RALGAPA2: variants seen among roughly 807,000 people sequenced by gnomAD.
RALGAPA2 encodes the protein ral GTPase-activating protein subunit alpha-2.
A neutral mutation model predicts 230.4 loss-of-function variants in RALGAPA2; 139 were observed. The observed-to-expected ratio is 0.60, with a 90% CI of 0.53 to 0.69. RALGAPA2 has a LOEUF of 0.69. Among genes scored for constraint, RALGAPA2 ranks in the 30% least tolerant of loss-of-function variants. The probability of loss-of-function intolerance (pLI) is 0.00; values close to 1 mark genes in which losing one functional copy is unlikely to be tolerated. For missense variants in RALGAPA2, 2,163 were observed against 2,276.0 expected, an observed-to-expected ratio of 0.95 and a Z score of 1.01; for synonymous variants, 847 against 837.8, an observed-to-expected ratio of 1.01 and a Z score of -0.19.
intron 13 of RALGAPA2, among the ~76,000 whole-genome samples, chr20:20,612,633 C>T (rs545107360): frequency 6.6e-6 from 1 of 152,254 alleles, no homozygotes; most frequent in South Asian, 2.1e-4. Flanking sequence ...GCACTGCATG[C>T]TACTTGTCCA....
intron 5 of RALGAPA2, 75 bp downstream of exon 5, chr20:20,643,431 C>A: frequency 7.5e-7 from 1 of 1,327,582 alleles, no homozygotes. Flanking sequence ...TTCCAAAATG[C>A]CCTAACATTG....
Position 20,629,511 on chromosome 20 carries a change from G to A in RALGAPA2, c.1085C>T (p.Ser362Phe). ...TCGGTCCGACAAGGTGCTGCTGTTA[G>A]AATGGCTTTTGTCCTGCTCCGTGGG... ...GGPTEQDKSHSNSSTLSDRRL... is the reference protein window; with the variant it reads ...GGPTEQDKSHFNSSTLSDRRL... Residue 362 changes from serine to phenylalanine, a missense_variant, in exon 10 of 40, where the codon TCT becomes TTT. Ser to Phe is a radical substitution (Grantham distance 155, BLOSUM62 -2). Transcript: ENST00000202677. 6.2e-7 allele frequency: 1 copy of A among 1,613,976 alleles called. No homozygotes were observed.
chr20:20,501,899 T>C (rs1000267722), intron 35 of RALGAPA2, among the ~76,000 whole-genome samples: 10 of 152,100 alleles, frequency 6.6e-5, no homozygotes, highest in African/African-American at 2.2e-4. Context: ...GGAAGATACA[T>C]AGGGGAACGG....
chr20:20,626,428 A>C lies in RALGAPA2; in HGVS notation c.1233+2935T>G, dbSNP rs550137107. ...TGTAAATGTTTTTAAGCTTCATGAC[A>C]CTAAGATGTCTCATAACTTCAGTCA... is the stretch of plus-strand genomic sequence containing the variant. On this transcript the variant is annotated intron_variant, in intron 10 of 39. Transcript: ENST00000202677. Among the ~76,000 whole-genome samples the C allele has an allele frequency of 3.9e-5, 6 of 152,322 alleles. No homozygotes were observed. In the South Asian group the frequency reaches 1.2e-3, roughly 32 times the overall value.
intron 27 of RALGAPA2, among the ~76,000 whole-genome samples, chr20:20,528,002 G>A (rs2063264289): frequency 6.6e-6 from 1 of 152,162 alleles, no homozygotes; most frequent in Admixed American, 6.5e-5. Flanking sequence ...GGGACATGAG[G>A]CTTGGGGGAA....
intron 4 of RALGAPA2, among the ~76,000 whole-genome samples, chr20:20,652,450 A>G (rs1188993571): frequency 6.6e-6 from 1 of 152,144 alleles, no homozygotes; most frequent in Non-Finnish European, 1.5e-5. Context: ...TTTCTCATCT[A>G]TCCCCTGACT....
chr20:20,657,909 A>C (rs2067644650), intron 3 of RALGAPA2, among the ~76,000 whole-genome samples: 1 of 152,244 alleles, frequency 6.6e-6, no homozygotes, highest in Non-Finnish European at 1.5e-5. Flanking sequence ...CTAATTTGGC[A>C]GTGAAAATCA....
chr20:20,554,786 G>A (rs1169721162), intron 23 of RALGAPA2, among the ~76,000 whole-genome samples: 1 of 152,080 alleles, frequency 6.6e-6, no homozygotes, highest in Non-Finnish European at 1.5e-5. Context: ...TAACAGGCAT[G>A]AGCCACCGTG....
intron 3 of RALGAPA2, among the ~76,000 whole-genome samples, chr20:20,668,676 A>G (rs900849810): frequency 6.6e-6 from 1 of 152,204 alleles, no homozygotes; most frequent in African/African-American, 2.4e-5. Flanking sequence ...AGTCCAAAGG[A>G]AAGAATGAGC....
At chr20:20,478,264 A>T (rs889634843) in intron 36 of RALGAPA2, among the ~76,000 whole-genome samples, 1 of 152,252 alleles carries the variant, frequency 6.6e-6, no homozygotes, top group African/African-American at 2.4e-5. Flanking sequence ...TTATAGCAGT[A>T]CTTACAGGGA....
intron 24 of RALGAPA2, among the ~76,000 whole-genome samples, chr20:20,542,436 G>T (rs1299229215): frequency 1.3e-5 from 2 of 152,098 alleles, no homozygotes; most frequent in African/African-American, 4.8e-5. Context: ...AACCAAAAAA[G>T]AGCCCATATA....
chr20:20,665,482 T>C (rs1242021936), intron 3 of RALGAPA2, among the ~76,000 whole-genome samples: 1 of 152,242 alleles, frequency 6.6e-6, no homozygotes, highest in Non-Finnish European at 1.5e-5. Context: ...CTGAGTAATT[T>C]GGTATATCCC....
intron 38 of RALGAPA2, among the ~76,000 whole-genome samples, chr20:20,405,123 A>C (rs186614039): frequency 1.3e-5 from 2 of 152,208 alleles, no homozygotes; most frequent in African/African-American, 4.8e-5. Flanking sequence ...GCTTAGTAGA[A>C]TATCTAATAC....
At chr20:20,637,827 C>T (rs771977894) in intron 7 of RALGAPA2, among the ~76,000 whole-genome samples, 2 of 152,062 alleles carry the variant, frequency 1.3e-5, no homozygotes, top group Non-Finnish European at 2.9e-5. Flanking sequence ...ATTCCTTGTG[C>T]CTTTAAAACA....
At chr20:20,457,817 G>T (rs2061157218) in intron 37 of RALGAPA2, among the ~76,000 whole-genome samples, 1 of 152,260 alleles carries the variant, frequency 6.6e-6, no homozygotes, top group Non-Finnish European at 1.5e-5. Context: ...GGGCAGCCCA[G>T]GCAGTGCTGG....
intron 38 of RALGAPA2, among the ~76,000 whole-genome samples, chr20:20,405,657 C>T (rs1244281175): frequency 2.6e-5 from 4 of 152,222 alleles, no homozygotes; most frequent in Admixed American, 2.6e-4. Context: ...CTTTAAAACC[C>T]TCGAGACCAT....
rs773634279 is a variant in RALGAPA2, at chr20:20,512,751, G to A, written c.4618C>T (p.Leu1540=). Residue 1540 remains leucine, a synonymous_variant, in exon 32 of 40, where the codon CTA becomes TTA. Coordinates refer to ENST00000202677, the MANE Select transcript of RALGAPA2 (RefSeq NM_020343.4). The part of the protein sequence containing the change: ...TSPECLLPSQ[L]NLNEPSLTPC... ...GTTAGGGAAGGTTCATTTAGATTTAGCTGTGACGGTAAAAGGCATTCAGGA... is the reference window on the plus strand; with the variant it reads ...GTTAGGGAAGGTTCATTTAGATTTAACTGTGACGGTAAAAGGCATTCAGGA... 2.5e-6 allele frequency: 4 copies of A among 1,613,792 alleles called. No individual in the cohort carries two copies. Among genetic ancestry groups the A allele is most frequent in the Non-Finnish European group, 3.4e-6 (4 of 1,179,722 alleles).
intron 15 of RALGAPA2, among the ~76,000 whole-genome samples, chr20:20,602,988 G>A (rs1008987614): frequency 6.6e-6 from 1 of 152,130 alleles, no homozygotes. Context: ...GACTGTCTTA[G>A]GGAGGCAAGT....
intron 3 of RALGAPA2, among the ~76,000 whole-genome samples, chr20:20,666,228 T>C (rs1219910960): frequency 6.6e-6 from 1 of 152,236 alleles, no homozygotes; most frequent in Non-Finnish European, 1.5e-5. Flanking sequence ...GTCAGCTCAG[T>C]TCTTTTAAAA....
Sources: gnomAD v4.1 joint callset for allele counts (sites outside exome capture counted in the v4.1 genomes callset) on GRCh38, gnomAD v4.1.1 for gene constraint, MANE v1.5 for transcripts, NCBI Gene and HGNC (gene_info 2026-07-23, HGNC 2026-07-21) for gene names.